The following NLRP11 variants were observed in gnomAD, a reference collection of about 807,000 sequenced individuals.
NLRP11 encodes the protein NLR family pyrin domain containing 11.
Under a neutral mutation model 79.3 loss-of-function variants are expected in NLRP11, and 53 were observed. That is an observed-to-expected ratio of 0.67 (90% CI 0.54 to 0.84). The LOEUF (loss-of-function observed/expected upper bound fraction) is 0.84. NLRP11 is among the 40% of genes least tolerant of loss of function. The pLI, the probability that NLRP11 is intolerant of heterozygous loss-of-function variation, is 0.00. For synonymous variants in NLRP11, 518 were observed against 462.6 expected (o/e 1.12, Z -1.54); for missense variants, 1,264 against 1,255.0 (o/e 1.01, Z -0.11).
intron 6 of NLRP11, among the ~76,000 whole-genome samples, chr19:55,795,868 A>G (rs537227312): frequency 1.3e-5 from 2 of 152,306 alleles, no homozygotes; most frequent in African/African-American, 4.8e-5. Flanking sequence ...TGAGAAATAC[A>G]AGTTGAAAAA....
chr19:55,809,526 A>G lies in NLRP11; in HGVS notation c.1084T>C (p.Cys362Arg), dbSNP rs1167391588. ...TGTAGATCAGTGGGTGTTTGGCAGC[A>G]GAGCTGGAAGTCACGCCCCTTGTCC... The change falls in exon 3 of 10, where the codon TGC becomes CGC. Residue 362 changes from cysteine to arginine, a missense_variant. Coordinates refer to ENST00000589093, the Ensembl canonical transcript of NLRP11. This position sits in a 1 kb window ranked among gnomAD's most constrained non-coding sequence, Gnocchi z 4.5. 3.7e-6 allele frequency: 6 copies of G among 1,614,234 alleles called. No individual in the cohort carries two copies.
At position 55,817,904 on chromosome 19, in the gene NLRP11, G is replaced by A. The variant is rs551325156; in HGVS notation, c.271C>T (p.Arg91Cys). Reference sequence around the variant, plus strand: ...CCACCCTTCTCGTGACCCCACTCACGGTTTCGTCTGCCAATGATCTTCCTA... The same window carrying A: ...CCACCCTTCTCGTGACCCCACTCACAGTTTCGTCTGCCAATGATCTTCCTA... Residue 91 changes from arginine (R) to cysteine (C), a missense_variant and splice_region_variant, in exon 2 of 10, where the codon CGC (arginine) becomes TGC (cysteine). Arg to Cys is a radical substitution (Grantham distance 180). Coordinates refer to ENST00000589093, the Ensembl canonical transcript of NLRP11. The A allele has an allele frequency of 1.2e-4, 191 of 1,600,776 alleles. 2 individuals carry two copies. In the South Asian group the frequency reaches 2.0e-3, roughly 17 times the overall value.
exon 2 of NLRP11, chr19:55,818,234 G>T: frequency 1.5e-6 from 2 of 1,372,694 alleles, no homozygotes; most frequent in South Asian, 1.3e-5. Flanking sequence ...AGAAATATGA[G>T]ATCTAAAAAT....
chr19:55,814,087 A>G (rs1400758966), intron 2 of NLRP11, among the ~76,000 whole-genome samples: 6 of 152,130 alleles, frequency 3.9e-5, no homozygotes, highest in Admixed American at 3.9e-4. Context: ...GCCGCTCCCC[A>G]TCGCTCACAT....
In NLRP11 at chr19:55,827,121, A is replaced by C. The variant is rs574635507; in HGVS notation, c.-63+4842T>G. 3.4e-4 allele frequency among the ~76,000 whole-genome samples: 48 copies of C among 140,666 alleles called. 1 individual carries two copies. The South Asian group carries it at 0.01, about 30-fold the overall frequency. 92.3% of individuals were successfully genotyped at this position (140,666 alleles called of 152,430 possible). ...TCAGAAATAATGCCGCATACCTACA[A>C]CTATCTGGTATTTGACAAACCTGAG... On this transcript the variant is annotated intron_variant, in intron 1 of 9. Transcript: ENST00000589093.
chr19:55,785,485 G>C, exon 10 of NLRP11: 1 of 720,156 alleles, frequency 1.4e-6, no homozygotes, highest in East Asian at 2.8e-5. Flanking sequence ...TGGTTGACTG[G>C]ATCAAGGTCA....
At chr19:55,819,096 T>C (rs1298648334) in intron 1 of NLRP11, among the ~76,000 whole-genome samples, 1 of 149,646 alleles carries the variant, frequency 6.7e-6, no homozygotes, top group Non-Finnish European at 1.5e-5. Flanking sequence ...CCAGGAGATC[T>C]TCCTCCCCAC....
At chr19:55,807,510 G>A (rs976616468) in intron 4 of NLRP11, among the ~76,000 whole-genome samples, 3 of 152,022 alleles carry the variant, frequency 2.0e-5, no homozygotes, top group African/African-American at 4.8e-5. Context: ...ATGAAGACAA[G>A]GTAAACAGGC....
intron 1 of NLRP11, among the ~76,000 whole-genome samples, chr19:55,829,798 T>C (rs959274397): frequency 2.0e-5 from 3 of 152,180 alleles, no homozygotes; most frequent in Non-Finnish European, 4.4e-5. Context: ...GGAAATACAG[T>C]TGACTCCTGA....
chr19:55,793,020 AT>A (rs931236627), intron 6 of NLRP11, among the ~76,000 whole-genome samples: 8 of 150,914 alleles, frequency 5.3e-5, no homozygotes, highest in East Asian at 3.9e-4. Context: ...TCCAGCCTCT[AT>A]TTTTTTTTCC....
At chr19:55,818,056 G>C in exon 2 of NLRP11, 1 of 1,614,022 alleles carries the variant, frequency 6.2e-7, no homozygotes, top group South Asian at 1.1e-5. Flanking sequence ...TGGAAACTGT[G>C]GCAGTTTGAA....
chr19:55,812,797 G>C (rs1385225518), intron 2 of NLRP11, among the ~76,000 whole-genome samples: 1 of 152,072 alleles, frequency 6.6e-6, no homozygotes, highest in Non-Finnish European at 1.5e-5. Flanking sequence ...TATAAACTTA[G>C]TTCAAAACCT....
intron 1 of NLRP11, among the ~76,000 whole-genome samples, chr19:55,818,698 T>A (rs964881991): frequency 2.6e-5 from 4 of 152,182 alleles, no homozygotes; most frequent in African/African-American, 9.7e-5. Context: ...AGGTATGTCA[T>A]TGATACGTAT....
chr19:55,821,985 A>G (rs8102593), intron 1 of NLRP11, among the ~76,000 whole-genome samples: 6,963 of 152,302 alleles, frequency 0.046, 420 homozygotes, highest in African/African-American at 0.13. Flanking sequence ...TCAGCTGGGC[A>G]CAGTGGCTCA....
At chr19:55,836,321 A>G (rs1377738739), upstream of NLRP11, 1 of 152,152 alleles carries the variant, frequency 6.6e-6, no homozygotes, top group Admixed American at 6.5e-5. Context: ...AGCCCTGGGA[A>G]TTCTCAATAG....
intron 7 of NLRP11, among the ~76,000 whole-genome samples, chr19:55,790,799 A>T (rs1345805618): frequency 6.6e-6 from 1 of 152,148 alleles, no homozygotes; most frequent in Admixed American, 6.5e-5. Flanking sequence ...CTGTCGGTAA[A>T]ATATATAGAG....
rs1990111903 is a variant in NLRP11 at position 55,789,507 on chromosome 19, G to T, written c.2514-108C>A. On this transcript the variant is annotated intron_variant, in intron 7 of 9. Transcript: ENST00000589093. ...CGTCTTGTGACATTCATGAATAAGG[G>T]ACTGCTTACAGAAACAAGAGCAGTG... 7 of 984,874 alleles carry T rather than the reference G, an allele frequency of 7.1e-6. No homozygotes were observed. The South Asian group carries it at 1.1e-4, about 16-fold the overall frequency. The allele number at this position is 984,874 out of a possible 1,614,324, so 61.0% of individuals were successfully genotyped here.
At chr19:55,816,652 T>C (rs1981142743) in intron 2 of NLRP11, among the ~76,000 whole-genome samples, 1 of 152,186 alleles carries the variant, frequency 6.6e-6, no homozygotes, top group Non-Finnish European at 1.5e-5. Context: ...CTGGGTCTTA[T>C]GGTAGGAGCG....
intron 4 of NLRP11, among the ~76,000 whole-genome samples, chr19:55,802,041 C>T (rs1232133057): frequency 3.9e-5 from 6 of 152,106 alleles, no homozygotes; most frequent in Admixed American, 2.0e-4. Flanking sequence ...TATTAAGATA[C>T]ATCCACATGC....
Sources: gnomAD v4.1 joint callset for allele counts (sites outside exome capture counted in the v4.1 genomes callset) on GRCh38, gnomAD v4.1.1 for gene constraint, Gnocchi (gnomAD v3.1) non-coding constraint, MANE v1.5 for transcripts, NCBI Gene and HGNC (gene_info 2026-07-23, HGNC 2026-07-21) for gene names.